The following DGKH variants were observed in gnomAD, a reference collection of about 807,000 sequenced individuals.
DGKH encodes diacylglycerol kinase eta.
DGKH carries 90 observed loss-of-function variants against 159.3 expected under a neutral mutation model. The ratio of observed to expected loss-of-function variants is 0.57; its 90% CI spans 0.48 to 0.67. DGKH has a LOEUF of 0.67. DGKH is among the 30% of genes least tolerant of loss of function. The pLI is 0.00. For synonymous variants in DGKH, 536 were observed against 553.8 expected (o/e 0.97, Z 0.45); for missense variants, 1,181 against 1,506.1 (o/e 0.78, Z 3.57).
chr13:42,210,877 A>G (rs776704529), intron 24 of DGKH, 112 bp downstream of exon 24: 10 of 862,216 alleles, frequency 1.2e-5, no homozygotes, highest in African/African-American at 1.7e-5. Context: ...AGATGCAATT[A>G]CTCTTCTTCA....
intron 1 of DGKH, among the ~76,000 whole-genome samples, chr13:42,113,160 C>G (rs1280233505): frequency 1.3e-5 from 2 of 152,112 alleles, no homozygotes; most frequent in African/African-American, 4.8e-5. Context: ...AAGATTTTGA[C>G]ACCAGATTTT....
chr13:42,170,666 G>A (rs1437614506), intron 11 of DGKH, among the ~76,000 whole-genome samples: 1 of 152,110 alleles, frequency 6.6e-6, no homozygotes, highest in East Asian at 1.9e-4. Flanking sequence ...AAGTGGGTTG[G>A]TTGCAGTGGC....
chr13:42,234,430 T>A lies in DGKH; in HGVS notation c.*5242T>A, dbSNP rs1197824006. ...AACTGGGCTGTCAACATAGTGGACT[T>A]TCATGTTCTATGGATATGAATTCTT... On this transcript the variant is annotated 3_prime_UTR_variant, in exon 30 of 30. Transcript: ENST00000337343. 6.6e-6 allele frequency: 1 copy of A among 152,196 alleles called. No homozygotes were observed. The allele number at this position is 152,196 out of a possible 1,614,324, so 9.4% of individuals were successfully genotyped here.
chr13:42,210,740 C>T lies in DGKH; in HGVS notation c.2989C>T (p.Gln997Ter). The stretch of plus-strand genomic sequence containing the variant: ...GGTGTCGCAGATGCAGCTATGCTCC[C>T]AGGCTGCAGAGGAGCTCATTACTAG... ...EEVSQMQLCS[Q>*]AAEELITRIC... The change falls in exon 24 of 30, where the codon CAG becomes TAG. Residue 997 changes from glutamine to a stop codon, truncating the protein, a stop_gained. Transcript: ENST00000337343. LOFTEE classifies it high-confidence loss of function. 1 of 1,612,556 alleles carries T rather than the reference C, an allele frequency of 6.2e-7. No homozygotes were observed. Among genetic ancestry groups the T allele is most frequent in the Non-Finnish European group, 8.5e-7 (1 of 1,179,894 alleles).
chr13:42,067,633 A>G (rs1882673331), intron 1 of DGKH, among the ~76,000 whole-genome samples: 2 of 152,140 alleles, frequency 1.3e-5, no homozygotes, highest in African/African-American at 4.8e-5. Flanking sequence ...GTTTTAATTA[A>G]TTATTGCCAC....
intron 1 of DGKH, among the ~76,000 whole-genome samples, chr13:42,104,806 A>G (rs1412112589): frequency 6.6e-6 from 1 of 152,158 alleles, no homozygotes. Context: ...ATTTTATCTA[A>G]TGCCTAAAGC....
At chr13:42,223,612 C>T (rs1209506979) in intron 29 of DGKH, among the ~76,000 whole-genome samples, 3 of 151,818 alleles carry the variant, frequency 2.0e-5, no homozygotes, top group Admixed American at 1.3e-4. Flanking sequence ...TACAAAAAAA[C>T]TAGCTAGGTG....
In DGKH at chr13:42,155,367, A is replaced by C. The variant is rs1331346951; in HGVS notation, c.461A>C (p.Lys154Thr). 6.2e-7 allele frequency: 1 copy of C among 1,612,422 alleles called. No homozygotes were observed. Among genetic ancestry groups the C allele is most frequent in the Non-Finnish European group, 8.5e-7 (1 of 1,179,662 alleles). Residue 154 changes from lysine to threonine, a missense_variant, in exon 4 of 30, where the codon AAG (lysine) becomes ACG (threonine). By Grantham distance (78) the Lys-to-Thr change is moderately conservative. This residue lies in a region of DGKH where 369 missense variants were observed against 519.4 expected (regional missense o/e 0.71). Coordinates refer to ENST00000337343, the MANE Select transcript of DGKH (RefSeq NM_178009.5). ...KEMEDWISSL[K>T]SVQTREPYEV... The stretch of plus-strand genomic sequence containing the variant: ...ATGGAGGATTGGATCAGCTCACTGA[A>C]GTCTGTACAGACCAGAGAACCCTAC...
intron 1 of DGKH, among the ~76,000 whole-genome samples, chr13:42,041,294 G>A (rs1349527770): frequency 2.0e-5 from 3 of 152,148 alleles, no homozygotes; most frequent in Admixed American, 6.5e-5. Flanking sequence ...GAGGAGCCCG[G>A]TTTTCCCTGT....
At chr13:42,169,256 A>G (rs1956386079) in intron 11 of DGKH, among the ~76,000 whole-genome samples, 1 of 152,224 alleles carries the variant, frequency 6.6e-6, no homozygotes, top group South Asian at 2.1e-4. Flanking sequence ...CTCCTCTTAA[A>G]TATACATATT....
chr13:42,139,730 A>G (rs1594079753), intron 3 of DGKH, among the ~76,000 whole-genome samples: 1 of 152,198 alleles, frequency 6.6e-6, no homozygotes, highest in Non-Finnish European at 1.5e-5. Flanking sequence ...TATATATAGC[A>G]GGCATTTGTG....
At chr13:42,153,762 C>T (rs1955974508) in intron 3 of DGKH, 1 of 152,198 alleles carries the variant, frequency 6.6e-6, no homozygotes, top group South Asian at 2.1e-4. Context: ...AGAGAAGTGA[C>T]CAACTGTTAA....
At chr13:42,048,609 C>T, upstream of DGKH, 2 of 874,908 alleles carry the variant, frequency 2.3e-6, no homozygotes, top group South Asian at 5.9e-5. This position sits in a 1 kb window ranked among gnomAD's most constrained non-coding sequence, Gnocchi z 6.7. Context: ...GCCTGGAGGG[C>T]GCCTGCCCCG....
At chr13:42,046,339 G>T (rs1463413818), upstream of DGKH, among the ~76,000 whole-genome samples, 1 of 152,208 alleles carries the variant, frequency 6.6e-6, no homozygotes, top group Non-Finnish European at 1.5e-5. Flanking sequence ...TGAGGAAGGT[G>T]AAGTACATTG....
chr13:42,200,554 G>A (rs1957324158), intron 20 of DGKH, among the ~76,000 whole-genome samples: 1 of 152,160 alleles, frequency 6.6e-6, no homozygotes, highest in South Asian at 2.1e-4. Flanking sequence ...GATGGGGCAT[G>A]TCTTTCCTAT....
At chr13:42,256,469 G>T in exon 31 of DGKH, 1 of 1,389,440 alleles carries the variant, frequency 7.2e-7, no homozygotes, top group Non-Finnish European at 1.0e-6. Context: ...TATTGAACTT[G>T]GCTATCTCAC....
At chr13:42,193,590 A>G (rs1476796625) in intron 16 of DGKH, among the ~76,000 whole-genome samples, 2 of 152,230 alleles carry the variant, frequency 1.3e-5, no homozygotes, top group Non-Finnish European at 2.9e-5. Context: ...GAAGAACCAG[A>G]AAACATTAAT....
At position 42,166,502 on chromosome 13, in the gene DGKH, G is replaced by GT. The variant is rs774191597; in HGVS notation, c.959-6dup. ...GCTGTATGTATTGATCTTGTGTTGTGTTTTTTTCACAGGTTTCTGTAGAGC... is the reference window on the plus strand; with the variant it reads ...GCTGTATGTATTGATCTTGTGTTGTGTTTTTTTTCACAGGTTTCTGTAGAGC... On this transcript the variant is annotated splice_polypyrimidine_tract_variant and intron_variant, in intron 8 of 29. Coordinates refer to ENST00000337343, the MANE Select transcript of DGKH (RefSeq NM_178009.5). 3.3e-6 allele frequency: 5 copies of GT among 1,498,050 alleles called. No homozygotes were observed. The highest frequency in any genetic ancestry group is 1.4e-5 in the South Asian group (1 of 70,366). 92.8% of individuals were successfully genotyped at this position (1,498,050 alleles called of 1,614,324 possible).
chr13:42,082,754 C>A (rs557941809), intron 1 of DGKH, among the ~76,000 whole-genome samples: 4 of 152,204 alleles, frequency 2.6e-5, no homozygotes, highest in African/African-American at 9.6e-5. Context: ...GGTTAGATGC[C>A]CCTTCTGTGG....
Sources: gnomAD v4.1 joint callset for allele counts (sites outside exome capture counted in the v4.1 genomes callset) on GRCh38, gnomAD v4.1.1 for gene constraint, gnomAD v4.1.1 regional missense constraint, Gnocchi (gnomAD v3.1) non-coding constraint, MANE v1.5 for transcripts, NCBI Gene and HGNC (gene_info 2026-07-23, HGNC 2026-07-21) for gene names.